Variants in CCDC144A observed in about 807,000 individuals in gnomAD.
The protein encoded by CCDC144A is coiled-coil domain-containing protein 144A.
In CCDC144A, 41 loss-of-function variants were observed where a neutral mutation model predicts 143.8. The observed-to-expected ratio is 0.29, with a 90% confidence interval of 0.22 to 0.37. The LOEUF (loss-of-function observed/expected upper bound fraction) is 0.37. Ranked by LOEUF, CCDC144A falls within the 10% of genes least tolerant of loss-of-function variation. The pLI is 1.00. For synonymous variants in CCDC144A, 242 were observed against 517.9 expected, an observed-to-expected ratio of 0.47 and a Z score of 7.23; for missense variants, 637 against 1,488.8, an observed-to-expected ratio of 0.43 and a Z score of 9.41.
intron 9 of CCDC144A, chr17:16,731,432 T>TA (rs1486490766): frequency 3.0e-5 from 6 of 200,220 alleles, no homozygotes; most frequent in African/African-American, 1.4e-4. Flanking sequence ...TAACTTCTTT[T>TA]AAATTAGCTA....
intron 6 of CCDC144A, among the ~76,000 whole-genome samples, chr17:16,714,977 C>CCTCCTGGCTTTCTTTTTCCATTCCTTCA (rs1489407330): frequency 6.6e-6 from 1 of 152,208 alleles, no homozygotes; most frequent in African/African-American, 2.4e-5. Context: ...CCTCAGATAG[C>CCTCCTGGCTTTCTTTTTCCATTCCTTCA]CTCCTGGCTT....
rs757630988 is a variant in CCDC144A at position 16,735,050 on chromosome 17, T to G, written c.2779T>G (p.Cys927Gly). The G allele has an allele frequency of 3.1e-6, 5 of 1,611,470 alleles. No homozygotes were observed. ...TAGACTAGCTGCTGCTGTACGTGAC[T>G]GTGATCAAAGTCAGACAGCAAGAGA... ...RCRLAAAVRD[C>G]DQSQTARDLK... is the part of the protein sequence containing the mutation. Residue 927 changes from cysteine to glycine, a missense_variant, in exon 12 of 17, where the codon TGT becomes GGT. Cys to Gly is a radical substitution (Grantham distance 159). Coordinates refer to ENST00000399273, the MANE Select transcript of CCDC144A (RefSeq NM_001382000.1).
chr17:16,693,316 G>A (rs1169911969), intron 2 of CCDC144A, among the ~76,000 whole-genome samples: 2 of 147,028 alleles, frequency 1.4e-5, no homozygotes, highest in African/African-American at 5.2e-5. Context: ...AAGAAAAAGT[G>A]TTTTTTTTTG....
At chr17:16,746,885 C>G in intron 12 of CCDC144A, 1 of 577,970 alleles carries the variant, frequency 1.7e-6, no homozygotes, top group Non-Finnish European at 2.9e-6. Flanking sequence ...TCCCTTCTCT[C>G]CCTCCCCTCC....
chr17:16,700,973 A>G (rs1272191014), intron 2 of CCDC144A, among the ~76,000 whole-genome samples: 1 of 151,896 alleles, frequency 6.6e-6, no homozygotes, highest in Non-Finnish European at 1.5e-5. Flanking sequence ...CAATTATGAA[A>G]TAAGATCAGA....
At position 16,736,642 on chromosome 17, in the gene CCDC144A, A is replaced by G. The variant is rs1203776653; in HGVS notation, c.3372+999A>G. ...ATTTATTTGTTTGGCACTGAGTCCC[A>G]TTTTCAAACTAATCAGAAGTGGCAG... is the stretch of plus-strand genomic sequence containing the variant. On this transcript the variant is annotated intron_variant, in intron 12 of 16. Transcript: ENST00000399273. Among the ~76,000 whole-genome samples, 7 of 152,204 alleles carry G rather than the reference A, an allele frequency of 4.6e-5. No individual in the cohort carries two copies. The East Asian group carries it at 1.2e-3, about 25-fold the overall frequency.
chr17:16,688,165 G>A (rs1028998177), upstream of CCDC144A, among the ~76,000 whole-genome samples: 9 of 151,892 alleles, frequency 5.9e-5, no homozygotes, highest in Non-Finnish European at 8.8e-5. Context: ...TTTCAGACCA[G>A]CATCTTCATG....
At chr17:16,673,134 A>C in the CCDC144A span, among the ~76,000 whole-genome samples, 3 of 151,966 alleles carry the variant, frequency 2.0e-5, no homozygotes, top group East Asian at 5.8e-4. Flanking sequence ...GGTTGGTAGC[A>C]TTTTCTTTTT....
intron 9 of CCDC144A, 112 bp downstream of exon 9, chr17:16,727,852 T>A: frequency 1.1e-6 from 1 of 941,840 alleles, no homozygotes; most frequent in East Asian, 3.2e-5. Flanking sequence ...TTTTTGGTCT[T>A]GTGGAATATG....
chr17:16,679,637 C>T, the CCDC144A span, among the ~76,000 whole-genome samples: 3 of 151,772 alleles, frequency 2.0e-5, no homozygotes, highest in South Asian at 6.3e-4. Context: ...TTATATCCCC[C>T]CAAAAGTTCA....
chr17:16,722,692 C>T (rs1913161760), intron 8 of CCDC144A, among the ~76,000 whole-genome samples: 1 of 152,178 alleles, frequency 6.6e-6, no homozygotes, highest in Non-Finnish European at 1.5e-5. Context: ...CACCTTCCCT[C>T]CCCAACTCTT....
intron 16 of CCDC144A, among the ~76,000 whole-genome samples, 186 bp from the exon 17 acceptor site, chr17:16,773,311 A>G (rs1445600964): frequency 1.3e-5 from 2 of 152,056 alleles, no homozygotes; most frequent in Non-Finnish European, 2.9e-5. Context: ...CTTGCCAGGC[A>G]CAGTGGCTCA....
At chr17:16,681,969 T>C in the CCDC144A span, among the ~76,000 whole-genome samples, 1 of 151,968 alleles carries the variant, frequency 6.6e-6, no homozygotes, top group African/African-American at 2.4e-5. Context: ...AAAGCTTAAA[T>C]TCATATAGAA....
chr17:16,692,230 G>A (rs1441280249), intron 1 of CCDC144A, among the ~76,000 whole-genome samples: 1 of 150,544 alleles, frequency 6.6e-6, no homozygotes, highest in Non-Finnish European at 1.5e-5. Flanking sequence ...TTCAGAGTTT[G>A]AGTCTGTATG....
chr17:16,720,543 T>A lies in CCDC144A; in HGVS notation c.1776T>A (p.Ala592=). Residue 592 remains alanine, a synonymous_variant, in exon 8 of 17, where the codon GCT becomes GCA. Transcript: ENST00000399273. The stretch of plus-strand genomic sequence containing the variant: ...TCAAAAACCAAATATATCCTGAGGC[T>A]GACTTTGCTGACTCAATGGAGCCAT... ...NEVKNQIYPE[A]DFADSMEPSE... The A allele has an allele frequency of 6.2e-7, 1 of 1,603,094 alleles. No homozygotes were observed. The highest frequency in any genetic ancestry group is 8.5e-7 in the Non-Finnish European group (1 of 1,174,126).
the CCDC144A span, chr17:16,683,768 G>T: frequency 1.0e-5 from 15 of 1,498,026 alleles, no homozygotes; most frequent in Admixed American, 2.2e-4. Context: ...AAAGCGCAGA[G>T]CCATATGCAA....
intron 9 of CCDC144A, among the ~76,000 whole-genome samples, chr17:16,730,010 T>G (rs1394819215): frequency 1.0e-4 from 13 of 125,020 alleles, no homozygotes; most frequent in Admixed American, 6.4e-4. Context: ...ACATTTTTTG[T>G]TTTTTTTTGG....
At chr17:16,748,436 A>C (rs1914638623) in intron 12 of CCDC144A, among the ~76,000 whole-genome samples, 2 of 152,236 alleles carry the variant, frequency 1.3e-5, no homozygotes, top group African/African-American at 4.8e-5. Flanking sequence ...CACAAAAATA[A>C]AGCTGACTTG....
intron 2 of CCDC144A, among the ~76,000 whole-genome samples, chr17:16,696,613 GA>G (rs1911424380): frequency 7.0e-6 from 1 of 143,732 alleles, no homozygotes; most frequent in African/African-American, 2.6e-5. Context: ...CGGCCTGGGT[GA>G]CAGAGCAAGA....
Sources: gnomAD v4.1 joint callset for allele counts (sites outside exome capture counted in the v4.1 genomes callset) on GRCh38, gnomAD v4.1.1 for gene constraint, MANE v1.5 for transcripts, NCBI Gene and HGNC (gene_info 2026-07-23, HGNC 2026-07-21) for gene names.